Variants in C12orf42 observed in about 807,000 individuals in gnomAD.
C12orf42 encodes the protein uncharacterized protein C12orf42.
A neutral mutation model predicts 21.6 loss-of-function variants in C12orf42; 25 were observed. That is an observed-to-expected ratio of 1.16 (90% CI 0.84 to 1.62). C12orf42 has a LOEUF of 1.62. Ranked by LOEUF, C12orf42 falls within the 40% of genes most tolerant of loss-of-function variation. C12orf42 has a pLI of 0.00. For missense variants in C12orf42, 483 were observed against 459.3 expected (o/e 1.05, Z -0.47); for synonymous variants, 174 against 175.0 (o/e 0.99, Z 0.05).
chr12:103,544,497 T>C, the C12orf42 span, among the ~76,000 whole-genome samples: 3 of 152,322 alleles, frequency 2.0e-5, no homozygotes, highest in Admixed American at 6.5e-5. Context: ...TTTCTTTTCC[T>C]TCACCCTGAT....
the C12orf42 span, among the ~76,000 whole-genome samples, chr12:103,169,179 A>C: frequency 4.0e-5 from 6 of 150,332 alleles, no homozygotes; most frequent in Non-Finnish European, 5.9e-5. Context: ...TAAATAAATA[A>C]ATAAATAAAT....
chr12:103,201,390 G>T, the C12orf42 span, among the ~76,000 whole-genome samples: 2 of 152,026 alleles, frequency 1.3e-5, no homozygotes. Flanking sequence ...CCGCTGAGCT[G>T]GGCATTGTCG....
At chr12:103,543,706 T>C in the C12orf42 span, among the ~76,000 whole-genome samples, 1 of 152,204 alleles carries the variant, frequency 6.6e-6, no homozygotes, top group African/African-American at 2.4e-5. Context: ...TCTTAGCTTA[T>C]CACCATAAAG....
intron 1 of C12orf42, among the ~76,000 whole-genome samples, chr12:103,484,476 G>A (rs1236147502): frequency 6.6e-6 from 1 of 152,132 alleles, no homozygotes; most frequent in Non-Finnish European, 1.5e-5. Flanking sequence ...AGAAGTGTCT[G>A]TTAGTATCCT....
At chr12:103,421,100 C>A (rs1016740531) in intron 2 of C12orf42, among the ~76,000 whole-genome samples, 2 of 152,032 alleles carry the variant, frequency 1.3e-5, no homozygotes, top group African/African-American at 4.8e-5. Context: ...TCCTAGGGAC[C>A]AAGAAGCCTG....
At position 103,412,466 on chromosome 12, in the gene C12orf42, C is replaced by T. The variant is rs527273137; in HGVS notation, c.79-10791G>A. On this transcript the variant is annotated intron_variant, in intron 2 of 5. Coordinates refer to ENST00000548883, the MANE Select transcript of C12orf42 (RefSeq NM_198521.5). ...GGCAGATCACCTGGGGTCAGGAGTT[C>T]GAGACTGGCCTGGCCAACATGGCAA... Among the ~76,000 whole-genome samples, 8 of 152,274 alleles carry T rather than the reference C, an allele frequency of 5.3e-5. No individual in the cohort carries two copies. The South Asian group carries it at 8.3e-4, about 16-fold the overall frequency.
chr12:103,301,340 A>T (rs2037634303), downstream of C12orf42, among the ~76,000 whole-genome samples: 1 of 152,190 alleles, frequency 6.6e-6, no homozygotes, highest in African/African-American at 2.4e-5. Context: ...AAGGGGAAAA[A>T]AACCCTACTA....
chr12:103,203,714 C>T, the C12orf42 span, among the ~76,000 whole-genome samples: 1 of 152,118 alleles, frequency 6.6e-6, no homozygotes, highest in African/African-American at 2.4e-5. Context: ...TGGCCAGTCA[C>T]TAAATAGTAC....
At chr12:103,118,615 G>A in the C12orf42 span, among the ~76,000 whole-genome samples, 27 of 151,714 alleles carry the variant, frequency 1.8e-4, no homozygotes, top group South Asian at 4.2e-4. Context: ...TGGCTAACAC[G>A]GTGAAACCCC....
chr12:103,505,996 G>A, the C12orf42 span: 1 of 187,168 alleles, frequency 5.3e-6, no homozygotes, highest in Non-Finnish European at 1.1e-5. Context: ...CAGACCGGAT[G>A]CACAGGTCTT....
chr12:103,559,388 T>C, the C12orf42 span: 2 of 115,990 alleles, frequency 1.7e-5, no homozygotes, highest in East Asian at 3.9e-4. Context: ...GCCTGTTTTT[T>C]CCTGGACTTT....
At chr12:103,105,626 A>G in the C12orf42 span, among the ~76,000 whole-genome samples, 1 of 152,134 alleles carries the variant, frequency 6.6e-6, no homozygotes, top group South Asian at 2.1e-4. Context: ...ACCTGCACAT[A>G]TACCTCCCAT....
chr12:103,223,912 A>G, the C12orf42 span, among the ~76,000 whole-genome samples: 1 of 152,078 alleles, frequency 6.6e-6, no homozygotes, highest in African/African-American at 2.4e-5. Flanking sequence ...AGTCCATTCT[A>G]TTTTTCTTGA....
At chr12:103,225,759 A>G in the C12orf42 span, among the ~76,000 whole-genome samples, 4 of 152,284 alleles carry the variant, frequency 2.6e-5, no homozygotes, top group Non-Finnish European at 4.4e-5. Context: ...AAGCCTGACC[A>G]TCAATACCCA....
At chr12:103,561,031 C>T in the C12orf42 span, among the ~76,000 whole-genome samples, 1 of 152,174 alleles carries the variant, frequency 6.6e-6, no homozygotes, top group African/African-American at 2.4e-5. Context: ...TTCATTGAGA[C>T]TTTTACCTCA....
the C12orf42 span, among the ~76,000 whole-genome samples, chr12:103,529,232 A>G: frequency 0.054 from 8,198 of 152,222 alleles, 739 homozygotes; most frequent in African/African-American, 0.18. Context: ...CTTTGTGTTC[A>G]CTTATTTTAC....
the C12orf42 span, among the ~76,000 whole-genome samples, chr12:103,066,352 T>C: frequency 1.3e-5 from 2 of 152,270 alleles, no homozygotes; most frequent in Non-Finnish European, 2.9e-5. Flanking sequence ...AAGTTACATG[T>C]GGAAGTGGCT....
At chr12:103,309,617 T>C (rs1384343380) in intron 4 of C12orf42, among the ~76,000 whole-genome samples, 1 of 151,322 alleles carries the variant, frequency 6.6e-6, no homozygotes, top group Admixed American at 6.6e-5. Flanking sequence ...ACCAGCTCTT[T>C]TCACTCAAAA....
intron 3 of C12orf42, chr12:103,378,817 C>T (rs1250469262): frequency 6.6e-6 from 1 of 152,042 alleles, no homozygotes; most frequent in Admixed American, 6.6e-5. Context: ...TTAAGAGTAA[C>T]AATTGTTGCT....
Sources: allele counts gnomAD v4.1 joint callset (sites outside exome capture counted in the v4.1 genomes callset), GRCh38; gene constraint gnomAD v4.1.1; transcripts MANE v1.5; gene names NCBI Gene and HGNC (gene_info 2026-07-23, HGNC 2026-07-21).